Variants in STAT5B observed in about 807,000 individuals in gnomAD.
The protein encoded by STAT5B is signal transducer and activator of transcription 5B.
A neutral mutation model predicts 107.8 loss-of-function variants in STAT5B; 21 were observed. That is an observed-to-expected ratio of 0.19 (90% confidence interval 0.14 to 0.28). The LOEUF (loss-of-function observed/expected upper bound fraction) is 0.28. Ranked by LOEUF, STAT5B falls within the 10% of genes least tolerant of loss-of-function variation. STAT5B has a pLI of 1.00. For synonymous variants in STAT5B, 325 were observed against 401.7 expected (o/e 0.81, Z 2.28); for missense variants, 565 against 1,008.2 (o/e 0.56, Z 5.95).
intron 1 of STAT5B, among the ~76,000 whole-genome samples, chr17:42,241,636 T>C (rs1334262152): frequency 6.6e-6 from 1 of 151,910 alleles, no homozygotes; most frequent in South Asian, 2.1e-4. Flanking sequence ...AGAGGCAGGG[T>C]TTTACCATGT....
rs1156986606 is a variant in STAT5B, at chr17:42,224,851, G to T, written c.303C>A (p.Cys101Ter). 6.2e-7 allele frequency: 1 copy of T among 1,613,668 alleles called. No homozygotes were observed. ...ATQLQNTYDR[C>*]PMELVRCIRH... ...GGATGCAGCGGACCAGCTCCATGGG[G>T]CAGCGGTCATACGTGTTCTGAAAGA... Residue 101 changes from cysteine to a stop codon, truncating the protein, a stop_gained, in exon 4 of 19, where the codon TGC becomes TGA. Coordinates refer to ENST00000293328, the MANE Select transcript of STAT5B (RefSeq NM_012448.4). LOFTEE classifies it high-confidence loss of function.
chr17:42,264,271 T>C (rs2144407092), intron 1 of STAT5B, among the ~76,000 whole-genome samples: 1 of 152,076 alleles, frequency 6.6e-6, no homozygotes, highest in East Asian at 1.9e-4. Context: ...GTTAGTTACA[T>C]ACGTATACAT....
At position 42,210,202 on chromosome 17, in the gene STAT5B, G is replaced by A. The variant is rs761686912; in HGVS notation, c.1875C>T (p.Gly625=). 3 of 1,614,160 alleles carry A rather than the reference G, an allele frequency of 1.9e-6. No homozygotes were observed. The highest frequency in any genetic ancestry group is 1.7e-5 in the Admixed American group (1 of 60,014). The stretch of plus-strand genomic sequence containing the variant: ...CAAACTTCCAAGCAATGGTGATGCC[G>A]CCAATTTCTGAGTCACTGAATCTCA... ...FLLRFSDSEI[G]GITIAWKFDS... is the part of the protein sequence containing the mutation. The change falls in exon 15 of 19, where the codon GGC becomes GGT. Residue 625 remains glycine (G), a synonymous_variant. Coordinates refer to ENST00000293328, the MANE Select transcript of STAT5B (RefSeq NM_012448.4).
intron 1 of STAT5B, among the ~76,000 whole-genome samples, chr17:42,238,945 TAAAAAAA>T (rs758681429): frequency 1.7e-4 from 24 of 142,818 alleles, no homozygotes; most frequent in Non-Finnish European, 2.4e-4. Flanking sequence ...ACTAAACTCT[TAAAAAAA>T]AAAGAAAAAA....
intron 16 of STAT5B, among the ~76,000 whole-genome samples, chr17:42,204,783 T>A (rs2080072913): frequency 6.6e-6 from 1 of 152,190 alleles, no homozygotes; most frequent in Admixed American, 6.5e-5. Context: ...CGCAGCTAAC[T>A]TTTTCTTTTT....
At chr17:42,272,637 C>T (rs1470228320) in intron 1 of STAT5B, 2 of 152,064 alleles carry the variant, frequency 1.3e-5, no homozygotes, top group Non-Finnish European at 1.5e-5. Flanking sequence ...CAGAGACAAA[C>T]CACATGGCAT....
chr17:42,224,394 C>T (rs1370160196), intron 4 of STAT5B, among the ~76,000 whole-genome samples: 1 of 151,380 alleles, frequency 6.6e-6, no homozygotes, highest in Non-Finnish European at 1.5e-5. Context: ...CCCATGAGTG[C>T]AGGGGTGCGA....
At chr17:42,217,327 C>T (rs1332346214) in intron 10 of STAT5B, 45 bp from the exon 11 acceptor site, 4 of 1,614,164 alleles carry the variant, frequency 2.5e-6, no homozygotes, top group South Asian at 2.2e-5. Context: ...ATAAGTTGTT[C>T]CCCTCAAAGA....
At position 42,201,389 on chromosome 17, in the gene STAT5B, G is replaced by A. The variant is rs143357938; in HGVS notation, c.*349C>T. On this transcript the variant is annotated 3_prime_UTR_variant, in exon 19 of 19. Coordinates refer to ENST00000293328, the MANE Select transcript of STAT5B (RefSeq NM_012448.4). The stretch of plus-strand genomic sequence containing the variant: ...AGTCCAGCCACTCTTAAGACACATG[G>A]CCAACTTCCAGGCTTCACGAAACTC... The A allele has an allele frequency of 2.1e-3, 1,271 of 594,386 alleles. 7 individuals are homozygous for A. Among genetic ancestry groups the A allele is most frequent in the Non-Finnish European group, 2.5e-3 (835 of 333,922 alleles). The allele number at this position is 594,386 out of a possible 1,614,324, so 36.8% of individuals were successfully genotyped here. A position where few individuals can be genotyped will look rare whatever the true frequency, so the allele number is the denominator to read the frequency against.
chr17:42,280,546 G>A (rs901844206), upstream of STAT5B, among the ~76,000 whole-genome samples: 2 of 151,742 alleles, frequency 1.3e-5, no homozygotes, highest in African/African-American at 4.8e-5. Flanking sequence ...GGCAACCACC[G>A]GCCACACATT....
chr17:42,236,392 A>G (rs561177775), intron 1 of STAT5B, among the ~76,000 whole-genome samples: 5 of 152,212 alleles, frequency 3.3e-5, no homozygotes, highest in Non-Finnish European at 7.4e-5. Flanking sequence ...GGAAAAAACC[A>G]ACTGTTCTCC....
chr17:42,200,124 C>T lies in STAT5B; in HGVS notation c.*1614G>A, dbSNP rs116906338. ...GTGTATGAAACCAAGCCAAGGCAAA[C>T]GGCAGCTTTAAAAAAGTCATCTTCC... is the stretch of plus-strand genomic sequence containing the variant. On this transcript the variant is annotated 3_prime_UTR_variant, in exon 19 of 19. Transcript: ENST00000293328. The T allele has an allele frequency of 1.0e-2, 1,523 of 152,752 alleles. 16 individuals are homozygous for T. The highest frequency in any genetic ancestry group is 0.02 in the Middle Eastern group (6 of 294). 9.5% of individuals were successfully genotyped at this position (152,752 alleles called of 1,614,324 possible).
At chr17:42,213,269 C>G (rs2080143842) in intron 12 of STAT5B, among the ~76,000 whole-genome samples, 1 of 152,058 alleles carries the variant, frequency 6.6e-6, no homozygotes. Context: ...TACAGTGGCC[C>G]AATCTTGGCT....
chr17:42,268,812 C>T (rs1465208074), intron 1 of STAT5B: 1 of 152,022 alleles, frequency 6.6e-6, no homozygotes, highest in Non-Finnish European at 1.5e-5. Flanking sequence ...TTTTTAGAAA[C>T]ATTAAACAAA....
intron 1 of STAT5B, among the ~76,000 whole-genome samples, chr17:42,256,480 T>TA (rs1356939991): frequency 6.6e-6 from 1 of 152,212 alleles, no homozygotes; most frequent in Admixed American, 6.5e-5. Flanking sequence ...TAAAGGGGAA[T>TA]ACAATAGTCT....
Position 42,201,566 on chromosome 17 carries a change from G to A in STAT5B, c.*172C>T, listed in dbSNP as rs1049671730. On this transcript the variant is annotated 3_prime_UTR_variant, in exon 19 of 19. Transcript: ENST00000293328. Reference sequence around the variant, plus strand: ...CACACACACACACAAACACATACTCGCACTCCCTTCGCTGGTGCCACCATG... The same window carrying A: ...CACACACACACACAAACACATACTCACACTCCCTTCGCTGGTGCCACCATG... 55 of 684,004 alleles carry A rather than the reference G, an allele frequency of 8.0e-5. No homozygotes were observed. The highest frequency in any genetic ancestry group is 7.3e-4 in the Admixed American group (36 of 49,136). 42.4% of individuals were successfully genotyped at this position (684,004 alleles called of 1,614,324 possible).
At chr17:42,256,797 G>C (rs943599406) in intron 1 of STAT5B, among the ~76,000 whole-genome samples, 5 of 143,994 alleles carry the variant, frequency 3.5e-5, no homozygotes, top group African/African-American at 1.3e-4. Context: ...AGGAAGCAGA[G>C]CGTGCAGTGA....
At chr17:42,236,381 A>C (rs2144310670) in intron 1 of STAT5B, among the ~76,000 whole-genome samples, 1 of 152,358 alleles carries the variant, frequency 6.6e-6, no homozygotes, top group South Asian at 2.1e-4. Context: ...CACCCAGTTT[A>C]GGAAAAAACC....
chr17:42,202,577 C>T, intron 17 of STAT5B, 130 bp from the exon 18 acceptor site: 2 of 1,437,904 alleles, frequency 1.4e-6, no homozygotes, highest in South Asian at 2.3e-5. Context: ...GGCCCTGGGG[C>T]TCCAGCTACA....
Sources: allele counts gnomAD v4.1 joint callset (sites outside exome capture counted in the v4.1 genomes callset), GRCh38; gene constraint gnomAD v4.1.1; transcripts MANE v1.5; gene names NCBI Gene and HGNC (gene_info 2026-07-23, HGNC 2026-07-21).